NAALADL2: variants seen among roughly 807,000 people sequenced by gnomAD.
NAALADL2 encodes the protein inactive N-acetylated-alpha-linked acidic dipeptidase-like protein 2.
Under a neutral mutation model 87.2 loss-of-function variants are expected in NAALADL2, and 76 were observed. The observed-to-expected ratio is 0.87, with a 90% CI of 0.72 to 1.05. The LOEUF (loss-of-function observed/expected upper bound fraction) is 1.05. Ranked by LOEUF, NAALADL2 falls within the 50% of genes least tolerant of loss-of-function variation. NAALADL2 has a pLI of 0.00. For synonymous variants in NAALADL2, 354 were observed against 331.0 expected (o/e 1.07, Z -0.75); for missense variants, 1,089 against 945.8 (o/e 1.15, Z -1.99).
chr3:174,631,674 A>T (rs1191781706), intron 2 of NAALADL2: 2 of 152,238 alleles, frequency 1.3e-5, no homozygotes, highest in Admixed American at 1.3e-4. Context: ...TATGTGTACT[A>T]TTAAGTTTAT....
At chr3:175,067,681 G>A (rs1559982793) in intron 1 of NAALADL2, among the ~76,000 whole-genome samples, 1 of 150,148 alleles carries the variant, frequency 6.7e-6, no homozygotes, top group Non-Finnish European at 1.5e-5. Context: ...AAAGCAGTCT[G>A]GAGATGCCTC....
At chr3:175,670,481 T>C (rs867020549) in intron 11 of NAALADL2, among the ~76,000 whole-genome samples, 400 of 143,278 alleles carry the variant, frequency 2.8e-3, no homozygotes, top group African/African-American at 9.2e-3. Context: ...ATTAAATTTA[T>C]ATTAAATGTA....
chr3:175,363,327 T>C (rs1225961907), intron 5 of NAALADL2, among the ~76,000 whole-genome samples: 1 of 148,084 alleles, frequency 6.8e-6, no homozygotes. Flanking sequence ...TGCATTTTTT[T>C]CCATTTGTTT....
chr3:175,139,046 T>C (rs548146246), intron 2 of NAALADL2, among the ~76,000 whole-genome samples: 1 of 151,572 alleles, frequency 6.6e-6, no homozygotes, highest in East Asian at 1.9e-4. Context: ...TTTCTTTCTT[T>C]GAATTTTTCT....
At chr3:175,034,723 G>T (rs556694614) in intron 1 of NAALADL2, among the ~76,000 whole-genome samples, 1 of 151,930 alleles carries the variant, frequency 6.6e-6, no homozygotes, top group Non-Finnish European at 1.5e-5. Flanking sequence ...AATGACTTTG[G>T]GCAAGTTTTT....
intron 1 of NAALADL2, among the ~76,000 whole-genome samples, chr3:174,490,672 T>G (rs950053004): frequency 2.0e-5 from 3 of 151,976 alleles, no homozygotes; most frequent in Admixed American, 6.6e-5. Context: ...AAATCTTAGA[T>G]GAATTGAAAA....
intron 11 of NAALADL2, among the ~76,000 whole-genome samples, chr3:175,689,253 A>T (rs1228026071): frequency 6.6e-6 from 1 of 152,178 alleles, no homozygotes; most frequent in Non-Finnish European, 1.5e-5. Context: ...AATCCCCAAG[A>T]TAGAAAATAT....
At chr3:175,781,193 A>G (rs760813709) in intron 13 of NAALADL2, among the ~76,000 whole-genome samples, 2 of 152,214 alleles carry the variant, frequency 1.3e-5, no homozygotes, top group Non-Finnish European at 2.9e-5. Context: ...CAAATTGACA[A>G]ATGCTTTTAA....
At chr3:175,029,278 A>G (rs921235552) in intron 1 of NAALADL2, among the ~76,000 whole-genome samples, 1 of 151,998 alleles carries the variant, frequency 6.6e-6, no homozygotes, top group African/African-American at 2.4e-5. Flanking sequence ...CTTGTGCCCA[A>G]CTGCTTCCCT....
At chr3:174,982,076 G>A (rs1745197213) in intron 1 of NAALADL2, among the ~76,000 whole-genome samples, 1 of 152,124 alleles carries the variant, frequency 6.6e-6, no homozygotes, top group Admixed American at 6.5e-5. Context: ...AAAGGAAAGG[G>A]GGAATGTGCT....
chr3:175,264,496 A>G (rs1225356342), intron 4 of NAALADL2, among the ~76,000 whole-genome samples: 1 of 151,828 alleles, frequency 6.6e-6, no homozygotes, highest in Admixed American at 6.6e-5. Context: ...CATTACAGAC[A>G]AAGTATTAGT....
chr3:175,507,871 A>G (rs190044218), intron 9 of NAALADL2, among the ~76,000 whole-genome samples: 140 of 152,130 alleles, frequency 9.2e-4, no homozygotes, highest in Admixed American at 1.9e-3. Context: ...CTTTTTCTTC[A>G]TACTCTGTTA....
chr3:174,913,701 G>A (rs1272726215), intron 1 of NAALADL2, among the ~76,000 whole-genome samples: 5 of 152,010 alleles, frequency 3.3e-5, no homozygotes, highest in Admixed American at 3.3e-4. Context: ...GTACTATATT[G>A]CGCTGTAATG....
At chr3:174,907,044 A>G (rs1184458979) in intron 1 of NAALADL2, among the ~76,000 whole-genome samples, 1 of 152,086 alleles carries the variant, frequency 6.6e-6, no homozygotes, top group Non-Finnish European at 1.5e-5. Flanking sequence ...CTTTGTGCCT[A>G]GTAAATCAGG....
chr3:174,837,763 C>A (rs1180412812), intron 3 of NAALADL2, among the ~76,000 whole-genome samples: 1 of 151,992 alleles, frequency 6.6e-6, no homozygotes, highest in Non-Finnish European at 1.5e-5. Context: ...CACTGCACTG[C>A]AGCCTGGGTG....
chr3:175,766,402 C>T (rs891264861), intron 13 of NAALADL2, among the ~76,000 whole-genome samples: 19 of 152,088 alleles, frequency 1.2e-4, no homozygotes, highest in Admixed American at 9.8e-4. Context: ...GAATAAGTCA[C>T]TTAACTTCCA....
chr3:175,142,622 C>T (rs546605256), intron 2 of NAALADL2, among the ~76,000 whole-genome samples: 110 of 151,654 alleles, frequency 7.3e-4, no homozygotes, highest in Non-Finnish European at 1.4e-3. Flanking sequence ...TTTTTTAAAA[C>T]ATAGTTTACA....
chr3:174,998,481 G>T (rs1747825680), intron 1 of NAALADL2, among the ~76,000 whole-genome samples: 1 of 152,180 alleles, frequency 6.6e-6, no homozygotes. Context: ...ATAAATCCTG[G>T]AGCTTAATTT....
chr3:175,273,975 T>C (rs893257518), intron 4 of NAALADL2, among the ~76,000 whole-genome samples: 12 of 152,208 alleles, frequency 7.9e-5, no homozygotes, highest in Non-Finnish European at 1.6e-4. Flanking sequence ...TAAACTGTTT[T>C]TTGATTAATG....
Sources: allele counts gnomAD v4.1 joint callset (sites outside exome capture counted in the v4.1 genomes callset), GRCh38; gene constraint gnomAD v4.1.1; transcripts MANE v1.5; gene names NCBI Gene and HGNC (gene_info 2026-07-23, HGNC 2026-07-21).